Variants in POU2F1 observed in about 807,000 individuals in gnomAD.
The protein encoded by POU2F1 is POU domain, class 2, transcription factor 1.
Under a neutral mutation model 84.9 loss-of-function variants are expected in POU2F1, and 16 were observed. The observed-to-expected ratio is 0.19, with a 90% CI of 0.13 to 0.29. POU2F1 has a LOEUF of 0.29. Ranked by LOEUF, POU2F1 falls within the 10% of genes least tolerant of loss-of-function variation. The pLI is 1.00. For synonymous variants in POU2F1, 368 were observed against 368.3 expected (o/e 1.00, Z 0.01); for missense variants, 738 against 942.6 (o/e 0.78, Z 2.84).
chr1:167,379,710 A>C (rs1647378895), intron 7 of POU2F1: 1 of 152,250 alleles, frequency 6.6e-6, no homozygotes, highest in Admixed American at 6.5e-5. Flanking sequence ...TGTGTTTATT[A>C]GATTTGTTAA....
intron 1 of POU2F1, among the ~76,000 whole-genome samples, chr1:167,225,727 G>GAA: frequency 6.6e-6 from 1 of 152,146 alleles, no homozygotes; most frequent in Non-Finnish European, 1.5e-5. Flanking sequence ...ATTTATTTGT[G>GAA]TTTTTTAAGT....
chr1:167,261,708 C>G (rs1449519074), intron 1 of POU2F1, among the ~76,000 whole-genome samples: 4 of 152,182 alleles, frequency 2.6e-5, no homozygotes, highest in Non-Finnish European at 5.9e-5. Context: ...AAGACAGAGT[C>G]TTGCTCTGTT....
intron 2 of POU2F1, among the ~76,000 whole-genome samples, chr1:167,348,058 C>T (rs144496648): frequency 2.0e-4 from 31 of 152,216 alleles, no homozygotes; most frequent in Admixed American, 7.2e-4. Context: ...TATAGTCATG[C>T]ATAACGTCAG....
chr1:167,246,041 A>G (rs541524317), intron 1 of POU2F1, among the ~76,000 whole-genome samples: 11 of 152,372 alleles, frequency 7.2e-5, no homozygotes, highest in African/African-American at 2.4e-4. Flanking sequence ...ATTGAGAAGA[A>G]TTTGATGTCA....
chr1:167,358,720 T>TC (rs1402885567), intron 2 of POU2F1, among the ~76,000 whole-genome samples: 1 of 92,426 alleles, frequency 1.1e-5, no homozygotes, highest in African/African-American at 4.1e-5. Context: ...CTGCAGCTTT[T>TC]TTTTTTTTTT....
intron 1 of POU2F1, among the ~76,000 whole-genome samples, chr1:167,225,242 T>C (rs1648543316): frequency 6.6e-6 from 1 of 152,252 alleles, no homozygotes; most frequent in Non-Finnish European, 1.5e-5. Context: ...AGGACTGTTC[T>C]GCTTCCAAAC....
At position 167,410,682 on chromosome 1, in the gene POU2F1, A is replaced by G. The variant is rs367756687; in HGVS notation, c.1556-1277A>G. The stretch of plus-strand genomic sequence containing the variant: ...AGGCGCCCACCACCATGCCTGGCTA[A>G]TTTTTGTATTTTTAATAGAGACGGG... On this transcript the variant is annotated intron_variant, in intron 13 of 15. Coordinates refer to ENST00000367866, the MANE Select transcript of POU2F1 (RefSeq NM_002697.4). Among the ~76,000 whole-genome samples, 5 of 151,752 alleles carry G rather than the reference A, an allele frequency of 3.3e-5. No homozygotes were observed. In the East Asian group the frequency reaches 5.8e-4, roughly 18 times the overall value.
intron 1 of POU2F1, among the ~76,000 whole-genome samples, chr1:167,287,137 A>G (rs762785484): frequency 3.3e-5 from 5 of 152,202 alleles, no homozygotes; most frequent in African/African-American, 4.8e-5. Flanking sequence ...GGCTGGGGCG[A>G]ACAACCACCC....
chr1:167,327,678 G>A (rs1656800165), intron 1 of POU2F1, among the ~76,000 whole-genome samples: 1 of 152,084 alleles, frequency 6.6e-6, no homozygotes, highest in Non-Finnish European at 1.5e-5. Context: ...GCCGTTTACT[G>A]GTTTCTTCAC....
chr1:167,352,392 C>T (rs972256547), intron 2 of POU2F1, among the ~76,000 whole-genome samples: 2 of 152,164 alleles, frequency 1.3e-5, no homozygotes, highest in Admixed American at 1.3e-4. Flanking sequence ...ACTTTGTCAT[C>T]TTATGTCCCC....
At chr1:167,412,934 GGA>G in intron 14 of POU2F1, 90 bp from the exon 15 acceptor site, 1 of 975,950 alleles carries the variant, frequency 1.0e-6, no homozygotes, top group South Asian at 1.4e-5. Flanking sequence ...TTCCCCAGCT[GGA>G]TTTTCGTTTT....
chr1:167,397,877 A>G, intron 10 of POU2F1, 117 bp from the exon 11 acceptor site: 1 of 1,109,290 alleles, frequency 9.0e-7, no homozygotes, highest in Non-Finnish European at 1.3e-6. Flanking sequence ...GTTATGTGAA[A>G]ACCTTTTCAT....
At chr1:167,381,810 A>G (rs1275110965) in intron 7 of POU2F1, among the ~76,000 whole-genome samples, 2 of 151,272 alleles carry the variant, frequency 1.3e-5, no homozygotes, top group East Asian at 2.0e-4. Context: ...GGGTTTCACC[A>G]TGTTGGCCAG....
chr1:167,306,377 A>T (rs143731944), intron 1 of POU2F1, among the ~76,000 whole-genome samples: 306 of 152,332 alleles, frequency 2.0e-3, no homozygotes, highest in Non-Finnish European at 3.5e-3. Flanking sequence ...AAAAGCATGG[A>T]AATACTCAAG....
intron 1 of POU2F1, among the ~76,000 whole-genome samples, chr1:167,256,427 C>A (rs1488724074): frequency 6.7e-6 from 1 of 149,984 alleles, no homozygotes; most frequent in Non-Finnish European, 1.5e-5. Flanking sequence ...TGATAGGGTC[C>A]TAACTGGTAT....
At chr1:167,252,804 C>G (rs1201550385) in intron 1 of POU2F1, among the ~76,000 whole-genome samples, 2 of 152,148 alleles carry the variant, frequency 1.3e-5, no homozygotes. Flanking sequence ...TTGTTTATAA[C>G]AGGTTAACAT....
intron 6 of POU2F1, among the ~76,000 whole-genome samples, chr1:167,374,971 G>T (rs1446793245): frequency 6.6e-6 from 1 of 151,978 alleles, no homozygotes; most frequent in Admixed American, 6.6e-5. Flanking sequence ...GGAGGTTGAG[G>T]CAGGAGAATA....
chr1:167,330,319 C>T (rs560457918), intron 1 of POU2F1, among the ~76,000 whole-genome samples: 5 of 152,192 alleles, frequency 3.3e-5, no homozygotes, highest in South Asian at 2.1e-4. Flanking sequence ...CTTCTGAAAA[C>T]GTTTGAATTC....
At chr1:167,350,434 C>G (rs1658478745) in intron 2 of POU2F1, among the ~76,000 whole-genome samples, 1 of 152,154 alleles carries the variant, frequency 6.6e-6, no homozygotes, top group Admixed American at 6.5e-5. Context: ...GATTCTGATA[C>G]TTAGTCTGAG....
Sources: gnomAD v4.1 joint callset for allele counts (sites outside exome capture counted in the v4.1 genomes callset) on GRCh38, gnomAD v4.1.1 for gene constraint, MANE v1.5 for transcripts, NCBI Gene and HGNC (gene_info 2026-07-23, HGNC 2026-07-21) for gene names.